The following WDR1 variants were observed in gnomAD, a reference collection of about 807,000 sequenced individuals.
WDR1 encodes the protein WD repeat-containing protein 1.
WDR1 carries 21 observed loss-of-function variants against 71.9 expected under a neutral mutation model. The observed-to-expected ratio is 0.29, with a 90% CI of 0.21 to 0.42. The LOEUF is 0.42. Ranked by LOEUF, WDR1 falls within the 10% of genes least tolerant of loss-of-function variation. The probability of loss-of-function intolerance (pLI) is 1.00; values close to 1 mark genes in which losing one functional copy is unlikely to be tolerated. For missense variants in WDR1, 696 were observed against 824.5 expected (o/e 0.84, Z 1.91); for synonymous variants, 424 against 347.4 (o/e 1.22, Z -2.45).
chr4:10,102,938 T>A (rs1006018939), intron 3 of WDR1, among the ~76,000 whole-genome samples: 1 of 152,200 alleles, frequency 6.6e-6, no homozygotes, highest in Non-Finnish European at 1.5e-5. Context: ...GTTGAGCTTA[T>A]GAATGAATGA....
intron 3 of WDR1, among the ~76,000 whole-genome samples, chr4:10,100,859 CAGG>C (rs1712641450): frequency 6.6e-6 from 1 of 152,252 alleles, no homozygotes. Context: ...CAGATACACT[CAGG>C]AGCATACATA....
intron 2 of WDR1, among the ~76,000 whole-genome samples, chr4:10,114,345 G>A (rs1052943994): frequency 6.6e-6 from 1 of 152,244 alleles, no homozygotes; most frequent in Non-Finnish European, 1.5e-5. Context: ...AGGGGTGCCT[G>A]TCCCTGAATG....
At chr4:10,104,371 G>A (rs990114529) in intron 2 of WDR1, among the ~76,000 whole-genome samples, 2 of 152,124 alleles carry the variant, frequency 1.3e-5, no homozygotes, top group African/African-American at 4.8e-5. Context: ...TCATTCCAGC[G>A]CTCTGTTCTC....
At chr4:10,114,021 C>T (rs150709642) in intron 2 of WDR1, among the ~76,000 whole-genome samples, 74 of 152,278 alleles carry the variant, frequency 4.9e-4, no homozygotes, top group Non-Finnish European at 6.9e-4. Context: ...CCTTCCTGAA[C>T]GGTCATGCCA....
Position 10,116,709 on chromosome 4 carries a change from G to A in WDR1, c.-43C>T, listed in dbSNP as rs1172723365. 8.0e-5 allele frequency: 106 copies of A among 1,329,918 alleles called. No individual in the cohort carries two copies. The highest frequency in any genetic ancestry group is 1.6e-4 in the Admixed American group (5 of 31,062). The allele number at this position is 1,329,918 out of a possible 1,614,324, so 82.4% of individuals were successfully genotyped here. A position where few individuals can be genotyped will look rare whatever the true frequency, so the allele number is the denominator to read the frequency against. Reference sequence around the variant, plus strand: ...CGCGCCGCGCTCGCCGAGAGCCTCCGGGGCCGGCCCGCGCTGCGAATTACA... The same window carrying A: ...CGCGCCGCGCTCGCCGAGAGCCTCCAGGGCCGGCCCGCGCTGCGAATTACA... On this transcript the variant is annotated 5_prime_UTR_variant, in exon 1 of 15. Coordinates refer to ENST00000499869, the MANE Select transcript of WDR1 (RefSeq NM_017491.5).
intron 10 of WDR1, among the ~76,000 whole-genome samples, chr4:10,082,369 C>A (rs1765051584): frequency 6.6e-6 from 1 of 152,070 alleles, no homozygotes; most frequent in African/African-American, 2.4e-5. Flanking sequence ...AAGGGGTCTA[C>A]ACAAGAAATG....
chr4:10,086,747 C>CTCA (rs1711596644), intron 8 of WDR1, among the ~76,000 whole-genome samples: 1 of 152,130 alleles, frequency 6.6e-6, no homozygotes, highest in Non-Finnish European at 1.5e-5. Flanking sequence ...AGCAGGAGCC[C>CTCA]GAGAAGGGCT....
At chr4:10,075,673 C>A in intron 14 of WDR1, 189 bp from the exon 15 acceptor site, 4 of 612,634 alleles carry the variant, frequency 6.5e-6, no homozygotes, top group East Asian at 2.8e-5. Flanking sequence ...CACTCCTGAA[C>A]CCCGGGGCCG....
chr4:10,110,154 G>A (rs1425059703), intron 2 of WDR1, among the ~76,000 whole-genome samples: 2 of 152,186 alleles, frequency 1.3e-5, no homozygotes, highest in Non-Finnish European at 2.9e-5. Context: ...CCCATACGTA[G>A]AAGTGACAAG....
intron 2 of WDR1, among the ~76,000 whole-genome samples, chr4:10,109,146 G>C (rs897029335): frequency 6.6e-6 from 1 of 152,248 alleles, no homozygotes; most frequent in East Asian, 1.9e-4. Context: ...CTGTAAGGAA[G>C]GTAACCTCAT....
chr4:10,077,598 C>T, intron 13 of WDR1, 150 bp from the exon 14 acceptor site: 1 of 1,479,802 alleles, frequency 6.8e-7, no homozygotes, highest in Non-Finnish European at 9.1e-7. Context: ...CCCACTGACT[C>T]CTCAGAAGCA....
intron 1 of WDR1, 67 bp from the exon 2 acceptor site, chr4:10,116,301 A>G: frequency 6.2e-7 from 1 of 1,605,478 alleles, no homozygotes; most frequent in Non-Finnish European, 8.5e-7. Flanking sequence ...AGAAGGGAGA[A>G]GGAGCCCCGG....
In WDR1 at chr4:10,083,010, G is replaced by A. The variant is rs11930870; in HGVS notation, c.1196+12C>T. The stretch of plus-strand genomic sequence containing the variant: ...GCTCATCCGGAACCCCCGCAGACCC[G>A]AGTGCTCTCACCTGTAGTCCCGCAG... On this transcript the variant is annotated intron_variant, in intron 10 of 14. Transcript: ENST00000499869. 21,704 of 1,603,144 alleles carry A rather than the reference G, an allele frequency of 0.014. 2,207 individuals are homozygous for A. The African/African-American group carries it at 0.24, about 18-fold the overall frequency.
At chr4:10,092,944 G>T in intron 5 of WDR1, 1 of 700,312 alleles carries the variant, frequency 1.4e-6, no homozygotes. Flanking sequence ...ACTCCTGCCT[G>T]TCCTCCCTTG....
intron 9 of WDR1, chr4:10,083,643 C>A: frequency 2.1e-6 from 1 of 482,606 alleles, no homozygotes; most frequent in Non-Finnish European, 4.1e-6. Context: ...CAGTCTCCAA[C>A]ACAGCACGGT....
At chr4:10,092,994 C>A (rs1283487130) in intron 5 of WDR1, 1 of 1,196,946 alleles carries the variant, frequency 8.4e-7, no homozygotes, top group Middle Eastern at 2.2e-4. Context: ...ATCAACGAGC[C>A]CCCCTCCCCA....
intron 10 of WDR1, among the ~76,000 whole-genome samples, chr4:10,082,691 A>T (rs187103459): frequency 1.4e-4 from 22 of 152,264 alleles, no homozygotes; most frequent in Admixed American, 9.8e-4. Context: ...GGCAGGCTCC[A>T]CTGTACCCGC....
chr4:10,095,162 C>G (rs1712252599), intron 5 of WDR1, among the ~76,000 whole-genome samples: 1 of 152,226 alleles, frequency 6.6e-6, no homozygotes, highest in African/African-American at 2.4e-5. Flanking sequence ...GGGCGGCAGG[C>G]AAGGCCACCA....
At chr4:10,111,098 C>G (rs918933259) in intron 2 of WDR1, among the ~76,000 whole-genome samples, 1 of 149,106 alleles carries the variant, frequency 6.7e-6, no homozygotes, top group Non-Finnish European at 1.5e-5. Flanking sequence ...CCTCAGATCT[C>G]AGATACAGAA....
Sources: allele counts gnomAD v4.1 joint callset (sites outside exome capture counted in the v4.1 genomes callset), GRCh38; gene constraint gnomAD v4.1.1; transcripts MANE v1.5; gene names NCBI Gene and HGNC (gene_info 2026-07-23, HGNC 2026-07-21).